The following ANKRD42 variants were observed in gnomAD, a reference collection of about 807,000 sequenced individuals.
ANKRD42 encodes the protein ankyrin repeat domain 42.
In ANKRD42, 43 loss-of-function variants were observed where a neutral mutation model predicts 51.5. The observed-to-expected ratio is 0.83, with a 90% CI of 0.65 to 1.08. ANKRD42 has a LOEUF of 1.08. ANKRD42 is among the 50% of genes least tolerant of loss of function. The pLI, the probability that ANKRD42 is intolerant of heterozygous loss-of-function variation, is 0.00. For synonymous variants in ANKRD42, 203 were observed against 213.0 expected, an observed-to-expected ratio of 0.95 and a Z score of 0.41; for missense variants, 608 against 629.3, an observed-to-expected ratio of 0.97 and a Z score of 0.36.
Position 83,248,237 on chromosome 11 carries a change from A to G in ANKRD42, c.*33A>G, listed in dbSNP as rs1863601390. On this transcript the variant is annotated 3_prime_UTR_variant, in exon 11 of 11. Coordinates refer to ENST00000533342, the MANE Select transcript of ANKRD42 (RefSeq NM_001300975.2). ...TACTCATTTAACCTTTTTGTGCCTCAACTATAAACTGGAGATGATAACTTA... is the reference window on the plus strand; with the variant it reads ...TACTCATTTAACCTTTTTGTGCCTCGACTATAAACTGGAGATGATAACTTA... The G allele has an allele frequency of 1.4e-6, 2 of 1,458,746 alleles. No individual in the cohort carries two copies. Among genetic ancestry groups the G allele is most frequent in the Non-Finnish European group, 9.0e-7 (1 of 1,109,418 alleles). 90.4% of individuals were successfully genotyped at this position (1,458,746 alleles called of 1,614,324 possible). A position where few individuals can be genotyped will look rare whatever the true frequency, so the allele number is the denominator to read the frequency against.
intron 3 of ANKRD42, among the ~76,000 whole-genome samples, chr11:83,208,363 GTT>G (rs1375187166): frequency 6.7e-6 from 1 of 148,748 alleles, no homozygotes; most frequent in Non-Finnish European, 1.5e-5. Context: ...ACGTGTGTGT[GTT>G]TGTGTGTGTG....
downstream of ANKRD42, among the ~76,000 whole-genome samples, chr11:83,258,687 C>T (rs1565202624): frequency 6.6e-6 from 1 of 152,108 alleles, no homozygotes; most frequent in Admixed American, 6.5e-5. Flanking sequence ...AAATAGCAAT[C>T]AGTAGTTTCA....
chr11:83,243,999 TGAGACAAAGTCTCAC>T (rs1863470818), intron 9 of ANKRD42, among the ~76,000 whole-genome samples: 1 of 124,110 alleles, frequency 8.1e-6, no homozygotes, highest in South Asian at 2.6e-4. Context: ...TTTTTTTTAT[TGAGACAAAGTCTCAC>T]TCTGTTGCCC....
intron 3 of ANKRD42, chr11:83,209,771 A>G (rs746163491): frequency 7.4e-5 from 45 of 609,362 alleles, no homozygotes; most frequent in Admixed American, 2.0e-4. Flanking sequence ...TACTGTTTCA[A>G]TGTGCTGGTA....
In ANKRD42 at chr11:83,210,319, C is replaced by G. The variant is rs1326434999; in HGVS notation, c.350C>G (p.Ala117Gly). 1 of 1,613,604 alleles carries G rather than the reference C, an allele frequency of 6.2e-7. No individual in the cohort carries two copies. The highest frequency in any genetic ancestry group is 1.3e-5 in the African/African-American group (1 of 74,916). ...ACVQALIMNGANLTAQDDRGC... is the reference protein window; with the variant it reads ...ACVQALIMNGGNLTAQDDRGC... ...TTTTAGGCTCTTATAATGAATGGAG[C>G]AAATCTGACAGCCCAGGATGACCGG... Residue 117 changes from alanine to glycine, a missense_variant, in exon 4 of 11, where the codon GCA (alanine) becomes GGA (glycine). By Grantham distance (60) the Ala-to-Gly change is moderately conservative (BLOSUM62 0). Transcript: ENST00000533342.
chr11:83,215,767 T>C (rs906593291), intron 5 of ANKRD42, among the ~76,000 whole-genome samples: 1 of 152,114 alleles, frequency 6.6e-6, no homozygotes, highest in African/African-American at 2.4e-5. Context: ...TTTGGCCTTT[T>C]TGTTGCTTCT....
At chr11:83,212,566 C>T in intron 5 of ANKRD42, 1 of 1,118,452 alleles carries the variant, frequency 8.9e-7, no homozygotes, top group Non-Finnish European at 1.3e-6. Context: ...GAAAATGATA[C>T]TTAAATGATA....
chr11:83,249,740 C>A (rs1266196268), downstream of ANKRD42, among the ~76,000 whole-genome samples: 1 of 151,992 alleles, frequency 6.6e-6, no homozygotes, highest in Non-Finnish European at 1.5e-5. Flanking sequence ...TTAGGTTATA[C>A]CTAATTTTTG....
chr11:83,208,271 G>T (rs1317528736), intron 3 of ANKRD42, among the ~76,000 whole-genome samples: 2 of 151,952 alleles, frequency 1.3e-5, no homozygotes, highest in African/African-American at 2.4e-5. Context: ...GGCTCAAGTG[G>T]TCCTCCTGCC....
chr11:83,242,567 G>GTTTTTTTTTTGTTTTTTTTTTT (rs770772334), intron 9 of ANKRD42, among the ~76,000 whole-genome samples: 1 of 115,546 alleles, frequency 8.7e-6, no homozygotes, highest in Non-Finnish European at 1.8e-5. Flanking sequence ...TGGTAGTTAA[G>GTTTTTTTTTTGTTTTTTTTTTT]TTTTTTTTTT....
At position 83,194,623 on chromosome 11, in the gene ANKRD42, A is replaced by G; in HGVS notation, c.-48A>G. The G allele has an allele frequency of 3.1e-6, 5 of 1,600,110 alleles. No individual in the cohort carries two copies. The highest frequency in any genetic ancestry group is 3.4e-6 in the Non-Finnish European group (4 of 1,169,130). On this transcript the variant is annotated 5_prime_UTR_variant, in exon 1 of 11. Coordinates refer to ENST00000533342, the MANE Select transcript of ANKRD42 (RefSeq NM_001300975.2). Reference sequence around the variant, plus strand: ...GAGAGCAAGTGAAGACCGCCGCAGCATCAGGGGCCTGGACTCAACTCCTCC... The same window carrying G: ...GAGAGCAAGTGAAGACCGCCGCAGCGTCAGGGGCCTGGACTCAACTCCTCC...
At chr11:83,223,368 G>T (rs1297330752) in intron 5 of ANKRD42, among the ~76,000 whole-genome samples, 1 of 152,188 alleles carries the variant, frequency 6.6e-6, no homozygotes, top group African/African-American at 2.4e-5. Flanking sequence ...CAATAATTCA[G>T]GCTACTATTT....
At chr11:83,216,362 C>T (rs919762654) in intron 5 of ANKRD42, among the ~76,000 whole-genome samples, 8 of 150,432 alleles carry the variant, frequency 5.3e-5, no homozygotes, top group African/African-American at 4.9e-5. Context: ...GTCTCGCTGT[C>T]GCCCAGGCTG....
At chr11:83,200,687 T>A (rs371666526) in intron 2 of ANKRD42, among the ~76,000 whole-genome samples, 1 of 152,210 alleles carries the variant, frequency 6.6e-6, no homozygotes, top group Admixed American at 6.5e-5. Flanking sequence ...GTTCTTAGAT[T>A]TAATTAATTT....
downstream of ANKRD42, chr11:83,262,013 T>G (rs1057238111): frequency 7.7e-7 from 1 of 1,305,450 alleles, no homozygotes; most frequent in Non-Finnish European, 1.1e-6. Context: ...CTGTAATTAT[T>G]TTGCAGAGAT....
At position 83,193,753 on chromosome 11, in the gene ANKRD42, G is replaced by T. The variant is rs956423600; in HGVS notation, c.-918G>T. 1 of 432,496 alleles carries T rather than the reference G, an allele frequency of 2.3e-6. No individual in the cohort carries two copies. Among genetic ancestry groups the T allele is most frequent in the Non-Finnish European group, 4.6e-6 (1 of 216,634 alleles). 26.8% of individuals were successfully genotyped at this position (432,496 alleles called of 1,614,324 possible). ...ACGGCCCTGCTGCCTCTCCAGCCAAGTGGCTGGAGTCGGGAGGCTGGAAAG... is the reference window on the plus strand; with the variant it reads ...ACGGCCCTGCTGCCTCTCCAGCCAATTGGCTGGAGTCGGGAGGCTGGAAAG... On this transcript the variant is annotated 5_prime_UTR_variant, in exon 1 of 11. Transcript: ENST00000533342.
rs144140152 is a variant in ANKRD42, at chr11:83,203,481, C to T, written c.223-2577C>T. Among the ~76,000 whole-genome samples the T allele has an allele frequency of 1.6e-3, 246 of 151,228 alleles. 2 individuals carry two copies. The highest frequency in any genetic ancestry group is 5.6e-3 in the African/African-American group (231 of 41,132). On this transcript the variant is annotated intron_variant, in intron 2 of 10. Coordinates refer to ENST00000533342, the MANE Select transcript of ANKRD42 (RefSeq NM_001300975.2). ...CCGTCTTGGTTGACTGCAACCCCTG[C>T]CTCCTGGGTTCAAATGATTCTCCTG...
intron 2 of ANKRD42, among the ~76,000 whole-genome samples, chr11:83,200,094 T>C (rs889941282): frequency 6.6e-6 from 1 of 152,084 alleles, no homozygotes; most frequent in Non-Finnish European, 1.5e-5. Flanking sequence ...TGCTCTTTGC[T>C]TTTGGGTGAT....
At chr11:83,214,920 A>T (rs1219118008) in intron 5 of ANKRD42, 1 of 152,084 alleles carries the variant, frequency 6.6e-6, no homozygotes, top group Non-Finnish European at 1.5e-5. Context: ...CAATCAATCT[A>T]CTCTCTATCT....
Sources: allele counts gnomAD v4.1 joint callset (sites outside exome capture counted in the v4.1 genomes callset), GRCh38; gene constraint gnomAD v4.1.1; transcripts MANE v1.5; gene names NCBI Gene and HGNC (gene_info 2026-07-23, HGNC 2026-07-21).